The following SGPP2 variants were observed in gnomAD, a reference collection of about 807,000 sequenced individuals.
The protein encoded by SGPP2 is sphingosine-1-phosphate phosphatase 2.
Under a neutral mutation model 33.9 loss-of-function variants are expected in SGPP2, and 30 were observed. That is an observed-to-expected ratio of 0.89 (90% CI 0.66 to 1.20). The LOEUF (loss-of-function observed/expected upper bound fraction) is 1.20. SGPP2 is among the 50% of genes most tolerant of loss of function. The pLI is 0.00. For missense variants in SGPP2, 458 were observed against 532.1 expected, an observed-to-expected ratio of 0.86 and a Z score of 1.37; for synonymous variants, 233 against 225.0, an observed-to-expected ratio of 1.04 and a Z score of -0.32.
At chr2:222,555,935 A>G (rs1315810885) in intron 4 of SGPP2, among the ~76,000 whole-genome samples, 1 of 152,110 alleles carries the variant, frequency 6.6e-6, no homozygotes, top group Admixed American at 6.5e-5. Flanking sequence ...TCACATGATT[A>G]CCCCTGCGCT....
intron 1 of SGPP2, among the ~76,000 whole-genome samples, chr2:222,449,503 T>C (rs1697451046): frequency 6.8e-6 from 1 of 147,044 alleles, no homozygotes; most frequent in Non-Finnish European, 1.5e-5. Flanking sequence ...GGAGTCTCGC[T>C]CTGTCACCCA....
intron 1 of SGPP2, among the ~76,000 whole-genome samples, chr2:222,440,461 G>A (rs1697308276): frequency 1.3e-5 from 2 of 151,652 alleles, no homozygotes; most frequent in Non-Finnish European, 2.9e-5. Flanking sequence ...TCCTGCCTTA[G>A]CCTCCCGAGT....
At chr2:222,433,438 C>T (rs746751709) in intron 1 of SGPP2, among the ~76,000 whole-genome samples, 13 of 152,104 alleles carry the variant, frequency 8.5e-5, no homozygotes, top group Non-Finnish European at 1.6e-4. Context: ...ACTGTAGTTG[C>T]GAATGGTGGC....
intron 1 of SGPP2, among the ~76,000 whole-genome samples, chr2:222,458,616 CT>C (rs1315192736): frequency 6.6e-6 from 1 of 152,116 alleles, no homozygotes; most frequent in Non-Finnish European, 1.5e-5. Flanking sequence ...CTTCCGAGTG[CT>C]TTTAAATTTT....
intron 1 of SGPP2, among the ~76,000 whole-genome samples, chr2:222,447,605 CA>C (rs1425832568): frequency 6.6e-6 from 1 of 152,152 alleles, no homozygotes; most frequent in Non-Finnish European, 1.5e-5. Flanking sequence ...TAATCAGACA[CA>C]AGTTAAATAA....
At chr2:222,451,836 C>A (rs1350906618) in intron 1 of SGPP2, among the ~76,000 whole-genome samples, 1 of 152,164 alleles carries the variant, frequency 6.6e-6, no homozygotes, top group Admixed American at 6.5e-5. Context: ...TTGTTTAATG[C>A]TGATGGGTGG....
chr2:222,525,494 C>T, intron 4 of SGPP2, among the ~76,000 whole-genome samples: 1 of 152,218 alleles, frequency 6.6e-6, no homozygotes, highest in East Asian at 1.9e-4. Context: ...GCTTTGCTTC[C>T]TTCCATACTG....
At chr2:222,439,101 G>T (rs1446325107) in intron 1 of SGPP2, among the ~76,000 whole-genome samples, 1 of 152,120 alleles carries the variant, frequency 6.6e-6, no homozygotes, top group Non-Finnish European at 1.5e-5. Flanking sequence ...GTGATGTTTT[G>T]GGTCCCCTGG....
At chr2:222,473,282 G>A (rs1697876511) in intron 1 of SGPP2, among the ~76,000 whole-genome samples, 1 of 152,166 alleles carries the variant, frequency 6.6e-6, no homozygotes, top group South Asian at 2.1e-4. Context: ...TCTTCTGGAG[G>A]CTGGAGGGAA....
chr2:222,485,964 G>A (rs767124539), intron 2 of SGPP2, among the ~76,000 whole-genome samples: 50 of 152,256 alleles, frequency 3.3e-4, no homozygotes, highest in Non-Finnish European at 6.5e-4. Context: ...CTTAACTGCT[G>A]TTATTGCTTC....
chr2:222,482,224 G>C (rs930573028), intron 2 of SGPP2, among the ~76,000 whole-genome samples: 8 of 152,186 alleles, frequency 5.3e-5, no homozygotes, highest in African/African-American at 2.4e-5. Flanking sequence ...GCTAACTCAG[G>C]AAAGTAGGAA....
At chr2:222,439,439 C>T (rs1468349354) in intron 1 of SGPP2, among the ~76,000 whole-genome samples, 1 of 151,930 alleles carries the variant, frequency 6.6e-6, no homozygotes, top group African/African-American at 2.4e-5. Flanking sequence ...GGCTGAGACA[C>T]GAGAATCACT....
intron 1 of SGPP2, among the ~76,000 whole-genome samples, chr2:222,429,457 A>C (rs1330299385): frequency 1.3e-5 from 2 of 152,242 alleles, no homozygotes; most frequent in Admixed American, 6.5e-5. Flanking sequence ...GTTCGAAAGA[A>C]TATATTTGAT....
chr2:222,473,811 C>A (rs1251117461), intron 1 of SGPP2, among the ~76,000 whole-genome samples: 1 of 151,714 alleles, frequency 6.6e-6, no homozygotes, highest in Non-Finnish European at 1.5e-5. Flanking sequence ...GTAATCCCAG[C>A]TACTCGGGAG....
intron 3 of SGPP2, among the ~76,000 whole-genome samples, chr2:222,523,177 T>C (rs1352132787): frequency 6.6e-6 from 1 of 152,254 alleles, no homozygotes; most frequent in African/African-American, 2.4e-5. Flanking sequence ...TGTAGCCTTC[T>C]ACCTGGTCAT....
chr2:222,473,496 C>T (rs930426738), intron 1 of SGPP2, among the ~76,000 whole-genome samples: 8 of 151,992 alleles, frequency 5.3e-5, no homozygotes, highest in African/African-American at 1.9e-4. Flanking sequence ...GAATAATCTC[C>T]CCATCTCAAG....
At chr2:222,431,916 G>C (rs1697163501) in intron 1 of SGPP2, among the ~76,000 whole-genome samples, 1 of 152,214 alleles carries the variant, frequency 6.6e-6, no homozygotes, top group African/African-American at 2.4e-5. Context: ...CCTCCCTGGA[G>C]AAAGGCAGAG....
intron 1 of SGPP2, among the ~76,000 whole-genome samples, chr2:222,446,535 G>T (rs1697402382): frequency 6.6e-6 from 1 of 152,116 alleles, no homozygotes; most frequent in South Asian, 2.1e-4. Flanking sequence ...ATAAAAGTAT[G>T]GTTTTCCAGC....
Position 222,466,253 on chromosome 2 carries a change from C to T in SGPP2, c.220-8315C>T, listed in dbSNP as rs567136071. On this transcript the variant is annotated intron_variant, in intron 1 of 4. Coordinates refer to ENST00000321276, the MANE Select transcript of SGPP2 (RefSeq NM_152386.4). ...TTTGGAAAAACTTTGCTGTTTTCAA[C>T]TTTTTTTTTTTTTTTTTTTTTTTTA... is the stretch of plus-strand genomic sequence containing the variant. 8.7e-4 allele frequency among the ~76,000 whole-genome samples: 91 copies of T among 104,702 alleles called. 2 individuals are homozygous for T. The highest frequency in any genetic ancestry group is 5.7e-3 in the Middle Eastern group (1 of 174). The allele number at this position is 104,702 out of a possible 152,430, so 68.7% of individuals were successfully genotyped here. A position where few individuals can be genotyped will look rare whatever the true frequency, so the allele number is the denominator to read the frequency against.
Sources: gnomAD v4.1 joint callset for allele counts (sites outside exome capture counted in the v4.1 genomes callset) on GRCh38, gnomAD v4.1.1 for gene constraint, MANE v1.5 for transcripts, NCBI Gene and HGNC (gene_info 2026-07-23, HGNC 2026-07-21) for gene names.